The following SPEF2 variants were observed in gnomAD, a reference collection of about 807,000 sequenced individuals.
SPEF2 encodes the protein sperm flagellar and cilia associated 2, also known as sperm flagella and cilia-associated protein 2.
Under a neutral mutation model 224.6 loss-of-function variants are expected in SPEF2, and 187 were observed. The observed-to-expected ratio is 0.83, with a 90% confidence interval of 0.74 to 0.94. The LOEUF (loss-of-function observed/expected upper bound fraction) is 0.94. SPEF2 is among the 40% of genes least tolerant of loss of function. The probability of loss-of-function intolerance (pLI) is 0.00; values close to 1 mark genes in which losing one functional copy is unlikely to be tolerated. For synonymous variants in SPEF2, 715 were observed against 707.3 expected, an observed-to-expected ratio of 1.01 and a Z score of -0.17; for missense variants, 2,170 against 2,135.6, an observed-to-expected ratio of 1.02 and a Z score of -0.32.
rs138808919 is a variant in SPEF2, at chr5:35,719,973, G to A, written c.2914+7087G>A. ...GTCAGGAACCCTGTACAAGGACTGCGTAGACGAAGGTATGAGCCTTTTATT... is the reference window on the plus strand; with the variant it reads ...GTCAGGAACCCTGTACAAGGACTGCATAGACGAAGGTATGAGCCTTTTATT... On this transcript the variant is annotated intron_variant, in intron 20 of 36. Coordinates refer to ENST00000356031, the MANE Select transcript of SPEF2 (RefSeq NM_024867.4). Among the ~76,000 whole-genome samples the A allele has an allele frequency of 5.0e-3, 762 of 152,210 alleles. 6 individuals are homozygous for A. The highest frequency in any genetic ancestry group is 0.017 in the African/African-American group (694 of 41,526).
chr5:35,672,899 G>A (rs575802658), intron 10 of SPEF2, among the ~76,000 whole-genome samples: 3 of 152,004 alleles, frequency 2.0e-5, no homozygotes, highest in Non-Finnish European at 2.9e-5. Context: ...TTTAAATATT[G>A]TACCTAGAAA....
At chr5:35,751,496 AT>A (rs1233032427) in intron 23 of SPEF2, among the ~76,000 whole-genome samples, 1 of 152,006 alleles carries the variant, frequency 6.6e-6, no homozygotes, top group Non-Finnish European at 1.5e-5. Flanking sequence ...TTAATTAAAA[AT>A]ATATAAATAT....
At chr5:35,783,986 T>C (rs1167975684) in intron 30 of SPEF2, among the ~76,000 whole-genome samples, 2 of 152,198 alleles carry the variant, frequency 1.3e-5, no homozygotes, top group African/African-American at 4.8e-5. Context: ...GCTGAGAACC[T>C]ACCTGAAGAG....
intron 1 of SPEF2, among the ~76,000 whole-genome samples, chr5:35,624,603 C>G (rs1056860982): frequency 6.6e-6 from 1 of 151,598 alleles, no homozygotes; most frequent in South Asian, 2.1e-4. Context: ...CACCTTTGTC[C>G]TCTCTCAATC....
At chr5:35,718,645 G>T (rs1743059856) in intron 20 of SPEF2, among the ~76,000 whole-genome samples, 1 of 152,142 alleles carries the variant, frequency 6.6e-6, no homozygotes, top group Admixed American at 6.5e-5. Context: ...TCTTACCCAT[G>T]TATGCCTTAT....
intron 23 of SPEF2, among the ~76,000 whole-genome samples, chr5:35,751,489 A>C (rs1350751044): frequency 6.6e-6 from 1 of 151,982 alleles, no homozygotes; most frequent in Non-Finnish European, 1.5e-5. Flanking sequence ...TAATTAATTA[A>C]TTAAAAATAT....
chr5:35,706,124 T>C (rs9292601), intron 18 of SPEF2, among the ~76,000 whole-genome samples: 81,200 of 151,416 alleles, frequency 0.54, 22,208 homozygotes, highest in African/African-American at 0.56. Context: ...TGGATATTTG[T>C]AATCTTTATT....
At chr5:35,760,146 G>A (rs2149748144) in intron 25 of SPEF2, among the ~76,000 whole-genome samples, 1 of 152,220 alleles carries the variant, frequency 6.6e-6, no homozygotes, top group Non-Finnish European at 1.5e-5. Flanking sequence ...CAGATCACGA[G>A]GTCAGGAGAT....
chr5:35,686,541 AC>A (rs1753651797), intron 10 of SPEF2, among the ~76,000 whole-genome samples: 1 of 152,108 alleles, frequency 6.6e-6, no homozygotes, highest in Admixed American at 6.5e-5. Context: ...TGTCTTAATT[AC>A]TTTTATTGTT....
intron 30 of SPEF2, chr5:35,788,282 G>A (rs750100581): frequency 5.3e-5 from 37 of 702,932 alleles, no homozygotes; most frequent in South Asian, 3.1e-4. Context: ...TGCCAAGACC[G>A]GACGTCCCCT....
intron 10 of SPEF2, chr5:35,675,838 C>T (rs2149492004): frequency 2.3e-6 from 1 of 443,984 alleles, no homozygotes; most frequent in East Asian, 7.0e-5. Flanking sequence ...CCGTGGTTAC[C>T]AAGAAACAAG....
intron 26 of SPEF2, chr5:35,764,832 C>G (rs1751875350): frequency 2.5e-6 from 1 of 406,404 alleles, no homozygotes; most frequent in African/African-American, 2.1e-5. Context: ...GTTCTCCCCG[C>G]TTATTTCTTT....
At chr5:35,668,285 G>A (rs940251994) in intron 9 of SPEF2, among the ~76,000 whole-genome samples, 1 of 152,122 alleles carries the variant, frequency 6.6e-6, no homozygotes, top group African/African-American at 2.4e-5. Context: ...GTAATAGAGT[G>A]TGATACATCC....
At chr5:35,725,098 G>A (rs1744408984) in intron 20 of SPEF2, among the ~76,000 whole-genome samples, 1 of 152,286 alleles carries the variant, frequency 6.6e-6, no homozygotes, top group Admixed American at 6.5e-5. Context: ...GAGAACACAT[G>A]TTCAGTCTCT....
At chr5:35,703,711 C>G (rs7448743) in intron 16 of SPEF2, among the ~76,000 whole-genome samples, 81,109 of 151,470 alleles carry the variant, frequency 0.54, 22,086 homozygotes, top group African/African-American at 0.56. Context: ...AGAGCACTCC[C>G]ACAGTTTTCT....
Position 35,759,699 on chromosome 5 carries a change from C to T in SPEF2, c.3600C>T (p.Asp1200=). ...RIPLVQLDSK[D]NSESQLRIPL... ...CTTTGGTCCAACTGGATAGTAAAGA[C>T]AATTCTGAAAGCCAGCTTAGGTAAG... Residue 1200 remains aspartate (D), a synonymous_variant, in exon 25 of 37, where the codon GAC becomes GAT. Transcript: ENST00000356031. 3 of 1,592,286 alleles carry T rather than the reference C, an allele frequency of 1.9e-6. No homozygotes were observed. The highest frequency in any genetic ancestry group is 2.3e-5 in the South Asian group (2 of 87,988).
In SPEF2 at chr5:35,691,024, G is replaced by A. The variant is rs368483340; in HGVS notation, c.1525-13G>A. The A allele has an allele frequency of 1.7e-5, 27 of 1,585,854 alleles. No individual in the cohort carries two copies. The highest frequency in any genetic ancestry group is 1.1e-4 in the African/African-American group (8 of 73,882). On this transcript the variant is annotated splice_polypyrimidine_tract_variant and intron_variant, in intron 10 of 36. Transcript: ENST00000356031. ...TCAGAATATTTCTGTTTATTTGATCGTTATTTTTACAGAACATGGTTGGAG... is the reference window on the plus strand; with the variant it reads ...TCAGAATATTTCTGTTTATTTGATCATTATTTTTACAGAACATGGTTGGAG...
chr5:35,701,604 G>C (rs1298924550), intron 16 of SPEF2, among the ~76,000 whole-genome samples: 1 of 152,062 alleles, frequency 6.6e-6, no homozygotes. Flanking sequence ...ATTCTATAGG[G>C]GTCTGTGCCT....
chr5:35,631,852 A>T (rs1745181316), intron 2 of SPEF2, among the ~76,000 whole-genome samples: 1 of 152,216 alleles, frequency 6.6e-6, no homozygotes, highest in Non-Finnish European at 1.5e-5. Context: ...CACAAGAATG[A>T]AGTAATATGC....
Sources: allele counts gnomAD v4.1 joint callset (sites outside exome capture counted in the v4.1 genomes callset), GRCh38; gene constraint gnomAD v4.1.1; transcripts MANE v1.5; gene names NCBI Gene and HGNC (gene_info 2026-07-23, HGNC 2026-07-21).